The following DZANK1 variants were observed in gnomAD, a reference collection of about 807,000 sequenced individuals.
DZANK1 encodes double zinc ribbon and ankyrin repeat-containing protein 1.
A neutral mutation model predicts 94.5 loss-of-function variants in DZANK1; 91 were observed. The observed-to-expected ratio is 0.96, with a 90% CI of 0.81 to 1.15. DZANK1 has a LOEUF of 1.15. Ranked by LOEUF, DZANK1 falls within the 50% of genes most tolerant of loss-of-function variation. The probability of loss-of-function intolerance (pLI) is 0.00; values close to 1 mark genes in which losing one functional copy is unlikely to be tolerated. For synonymous variants in DZANK1, 312 were observed against 325.3 expected (o/e 0.96, Z 0.44); for missense variants, 903 against 916.4 (o/e 0.99, Z 0.19).
intron 3 of DZANK1, among the ~76,000 whole-genome samples, chr20:18,456,384 T>G (rs1389882649): frequency 3.9e-5 from 6 of 152,242 alleles, no homozygotes; most frequent in Non-Finnish European, 5.9e-5. Context: ...TACCAGTAGC[T>G]CACCTATACT....
chr20:18,438,914 G>A (rs973945958), intron 8 of DZANK1, among the ~76,000 whole-genome samples: 3 of 152,114 alleles, frequency 2.0e-5, no homozygotes, highest in East Asian at 1.9e-4. Flanking sequence ...TCATCATCAC[G>A]ACCTAATTAC....
chr20:18,453,695 A>C (rs1265513770), intron 5 of DZANK1, 36 bp downstream of exon 5: 4 of 1,483,688 alleles, frequency 2.7e-6, no homozygotes, highest in Non-Finnish European at 2.8e-6. Context: ...GTGGGTTCAG[A>C]ATACAAAACC....
intron 6 of DZANK1, chr20:18,451,809 C>T (rs749245381): frequency 2.0e-6 from 1 of 506,142 alleles, no homozygotes; most frequent in Non-Finnish European, 3.9e-6. Context: ...GCCTCCTATC[C>T]TGACCACCTC....
At chr20:18,426,072 C>G (rs1489304010) in intron 10 of DZANK1, among the ~76,000 whole-genome samples, 2 of 152,144 alleles carry the variant, frequency 1.3e-5, no homozygotes, top group Non-Finnish European at 2.9e-5. Context: ...GGGTCCCCAA[C>G]CCCCGGGCCA....
chr20:18,439,883 A>G (rs548993214), intron 8 of DZANK1, among the ~76,000 whole-genome samples: 1 of 152,284 alleles, frequency 6.6e-6, no homozygotes, highest in Admixed American at 6.5e-5. Context: ...GTTAGGGACT[A>G]AACTGTGCCC....
chr20:18,415,575 T>C (rs1276341292), intron 10 of DZANK1, 126 bp from the exon 11 acceptor site: 1 of 1,096,932 alleles, frequency 9.1e-7, no homozygotes, highest in Admixed American at 4.4e-5. Context: ...TTTTGTTTTG[T>C]TTTGTTTTGT....
rs1293686947 is a variant in DZANK1 at position 18,430,248 on chromosome 20, C to A, written c.862-3089G>T. On this transcript the variant is annotated intron_variant, in intron 9 of 20. Coordinates refer to ENST00000262547, the Ensembl canonical transcript of DZANK1. ...TCTGCTTGAGGTGGAGTTATGGTTA[C>A]ACTGGCCTTAACCCCAAATCACGGT... Among the ~76,000 whole-genome samples the A allele has an allele frequency of 2.6e-5, 4 of 152,290 alleles. No individual in the cohort carries two copies. In the East Asian group the frequency reaches 7.7e-4, roughly 29 times the overall value.
At chr20:18,407,145 C>G (rs1011776727) in intron 13 of DZANK1, among the ~76,000 whole-genome samples, 3 of 152,216 alleles carry the variant, frequency 2.0e-5, no homozygotes, top group African/African-American at 4.8e-5. Flanking sequence ...AGGTTAGGAC[C>G]TTGGGCAAGG....
At chr20:18,428,051 T>G (rs2058125329) in intron 9 of DZANK1, among the ~76,000 whole-genome samples, 1 of 149,242 alleles carries the variant, frequency 6.7e-6, no homozygotes. Context: ...CTGGGGAGGC[T>G]GAGGCAGGAG....
At chr20:18,395,619 C>T (rs2056296357) in intron 15 of DZANK1, among the ~76,000 whole-genome samples, 3 of 152,250 alleles carry the variant, frequency 2.0e-5, no homozygotes, top group Non-Finnish European at 4.4e-5. Context: ...CTCCTTGCCT[C>T]AACTGGGGAC....
At chr20:18,421,928 T>G (rs186427044) in intron 10 of DZANK1, among the ~76,000 whole-genome samples, 17 of 152,300 alleles carry the variant, frequency 1.1e-4, no homozygotes, top group Admixed American at 1.0e-3. Context: ...TACTATTGAG[T>G]TGTTTGAGTT....
chr20:18,434,362 T>C (rs2058426043), intron 8 of DZANK1, among the ~76,000 whole-genome samples: 1 of 151,730 alleles, frequency 6.6e-6, no homozygotes. Context: ...CTGGTCAACA[T>C]AGTGAAACCC....
At chr20:18,392,947 G>A (rs1231325507) in intron 17 of DZANK1, among the ~76,000 whole-genome samples, 1 of 152,222 alleles carries the variant, frequency 6.6e-6, no homozygotes, top group African/African-American at 2.4e-5. Context: ...ATTATTAAGG[G>A]CTCCGTGGTG....
chr20:18,413,773 CTG>C (rs1216408256), intron 12 of DZANK1, among the ~76,000 whole-genome samples: 1 of 151,604 alleles, frequency 6.6e-6, no homozygotes, highest in Non-Finnish European at 1.5e-5. Flanking sequence ...CAGCGAGACT[CTG>C]TCTCAAAAAA....
chr20:18,434,970 T>C (rs2058460502), intron 8 of DZANK1, among the ~76,000 whole-genome samples: 1 of 152,190 alleles, frequency 6.6e-6, no homozygotes, highest in African/African-American at 2.4e-5. Flanking sequence ...GGTAATTCAA[T>C]GATAGGGGCT....
chr20:18,448,865 T>G (rs6105923), intron 7 of DZANK1, 119 bp downstream of exon 7: 265,502 of 648,122 alleles, frequency 0.41, 57,060 homozygotes, highest in Middle Eastern at 0.48. Flanking sequence ...AGACTCCGTC[T>G]CAAAAAAAAA....
At chr20:18,460,261 G>T in exon 3 of DZANK1, 1 of 1,588,636 alleles carries the variant, frequency 6.3e-7, no homozygotes, top group Non-Finnish European at 8.6e-7. Context: ...TAGAAATTCA[G>T]GTTTGCTGCC....
At chr20:18,425,734 G>T (rs2058011505) in intron 10 of DZANK1, among the ~76,000 whole-genome samples, 1 of 152,138 alleles carries the variant, frequency 6.6e-6, no homozygotes, top group Admixed American at 6.5e-5. Context: ...AATCCAGTGT[G>T]ACTGGTGTCC....
At chr20:18,389,874 C>G (rs375683058) in intron 18 of DZANK1, 46 bp from the exon 19 acceptor site, 153 of 1,608,292 alleles carry the variant, frequency 9.5e-5, no homozygotes, top group Non-Finnish European at 1.1e-4. Context: ...ACCCTGCACT[C>G]AACAGCATCC....
Sources: gnomAD v4.1 joint callset for allele counts (sites outside exome capture counted in the v4.1 genomes callset) on GRCh38, gnomAD v4.1.1 for gene constraint, MANE v1.5 for transcripts, NCBI Gene and HGNC (gene_info 2026-07-23, HGNC 2026-07-21) for gene names.